Variants in ATG7 observed in about 807,000 individuals in gnomAD.
ATG7 encodes the protein ubiquitin-like modifier-activating enzyme ATG7.
In ATG7, 70 loss-of-function variants were observed where a neutral mutation model predicts 82.4. The ratio of observed to expected loss-of-function variants is 0.85; its 90% confidence interval spans 0.70 to 1.04. The LOEUF (loss-of-function observed/expected upper bound fraction) is 1.04. Ranked by LOEUF, ATG7 falls within the 50% of genes least tolerant of loss-of-function variation. ATG7 has a pLI of 0.00. For synonymous variants in ATG7, 287 were observed against 313.0 expected, an observed-to-expected ratio of 0.92 and a Z score of 0.88; for missense variants, 792 against 864.3, an observed-to-expected ratio of 0.92 and a Z score of 1.05.
intron 20 of ATG7, among the ~76,000 whole-genome samples, chr3:11,461,945 G>GT (rs1001587949): frequency 3.3e-5 from 5 of 151,886 alleles, no homozygotes; most frequent in African/African-American, 1.2e-4. Flanking sequence ...CAGGAGAATG[G>GT]TTATGAACCC....
At chr3:11,343,655 T>C (rs1954028816) in intron 13 of ATG7, among the ~76,000 whole-genome samples, 1 of 152,162 alleles carries the variant, frequency 6.6e-6, no homozygotes, top group African/African-American at 2.4e-5. Flanking sequence ...ATGTGGAAAT[T>C]TTTTGGTTAC....
intron 20 of ATG7, among the ~76,000 whole-genome samples, chr3:11,493,188 G>C (rs765542739): frequency 2.0e-5 from 3 of 148,798 alleles, no homozygotes; most frequent in Non-Finnish European, 2.9e-5. Flanking sequence ...AGCTGGAAAG[G>C]GGGTGGGAAG....
Position 11,422,769 on chromosome 3 carries a change from T to TTTTTTTTTTTTTTTTTG in ATG7, c.1957-4035_1957-4034insTTTTTTTTTTTTTTTTG, listed in dbSNP as rs1386943052. 4.9e-5 allele frequency among the ~76,000 whole-genome samples: 5 copies of TTTTTTTTTTTTTTTTTG among 102,628 alleles called. 1 individual carries two copies. Among genetic ancestry groups the TTTTTTTTTTTTTTTTTG allele is most frequent in the African/African-American group, 2.0e-4 (5 of 25,202 alleles). The allele number at this position is 102,628 out of a possible 152,430, so 67.3% of individuals were successfully genotyped here. ...TTTTTTTTTTTTTTTTTTTTTTTTTTGGAGACAGAGTCTCACTCCGTTGCC... is the reference window on the plus strand; with the variant it reads ...TTTTTTTTTTTTTTTTTTTTTTTTTTTTTTTTTTTTTTTTTTGGGAGACAGAGTCTCACTCCGTTGCC... On this transcript the variant is annotated intron_variant, in intron 19 of 20. Transcript: ENST00000693202.
At chr3:11,488,767 T>C (rs1294338327) in intron 20 of ATG7, among the ~76,000 whole-genome samples, 1 of 152,220 alleles carries the variant, frequency 6.6e-6, no homozygotes, top group Non-Finnish European at 1.5e-5. Flanking sequence ...TTGATCATGG[T>C]GGATAGGCTT....
rs1022421065 is a variant in ATG7, at chr3:11,556,266, C to G, written c.*1423C>G. The G allele has an allele frequency of 6.5e-6, 1 of 152,702 alleles. No individual in the cohort carries two copies. Among genetic ancestry groups the G allele is most frequent in the Non-Finnish European group, 1.5e-5 (1 of 68,068 alleles). 9.5% of individuals were successfully genotyped at this position (152,702 alleles called of 1,614,324 possible). A position where few individuals can be genotyped will look rare whatever the true frequency, so the allele number is the denominator to read the frequency against. Reference sequence around the variant, plus strand: ...TGGGAAGAACTTCACGGAGCCCCTTCTTAGAGCAGGGAGGGGGCTTTCTCA... The same window carrying G: ...TGGGAAGAACTTCACGGAGCCCCTTGTTAGAGCAGGGAGGGGGCTTTCTCA... On this transcript the variant is annotated 3_prime_UTR_variant, in exon 21 of 21. Transcript: ENST00000693202.
intron 20 of ATG7, among the ~76,000 whole-genome samples, chr3:11,467,423 C>G (rs1344969904): frequency 6.6e-6 from 1 of 152,198 alleles, no homozygotes; most frequent in Admixed American, 6.5e-5. Flanking sequence ...GTCGCCCAGG[C>G]TGCAGTGCAA....
intron 20 of ATG7, among the ~76,000 whole-genome samples, chr3:11,459,330 C>T (rs1201590264): frequency 3.3e-5 from 5 of 152,232 alleles, no homozygotes; most frequent in Non-Finnish European, 5.9e-5. Flanking sequence ...TGTATCATCT[C>T]AGACATATGT....
chr3:11,294,199 G>A (rs368279429), intron 3 of ATG7, among the ~76,000 whole-genome samples: 3 of 152,040 alleles, frequency 2.0e-5, no homozygotes, highest in African/African-American at 4.8e-5. Context: ...GTTTCTACAC[G>A]TGTGCCTCAA....
intron 20 of ATG7, among the ~76,000 whole-genome samples, chr3:11,476,005 T>G (rs1036701044): frequency 1.3e-5 from 2 of 152,100 alleles, no homozygotes; most frequent in Non-Finnish European, 2.9e-5. Flanking sequence ...CTGCTGTGAT[T>G]TTATTTCCCC....
the ATG7 span, among the ~76,000 whole-genome samples, chr3:11,563,475 C>G: frequency 6.6e-6 from 1 of 152,186 alleles, no homozygotes; most frequent in Non-Finnish European, 1.5e-5. Context: ...CAGCACAATC[C>G]TCTCTTCTCA....
intron 19 of ATG7, among the ~76,000 whole-genome samples, chr3:11,390,201 C>G (rs2078681574): frequency 6.6e-6 from 1 of 152,096 alleles, no homozygotes; most frequent in South Asian, 2.1e-4. Context: ...GGCCTATGTA[C>G]AATATTTTCG....
rs1183148448 is a variant in ATG7 at position 11,511,780 on chromosome 3, G to A, written c.2080-43031G>A. Among the ~76,000 whole-genome samples the A allele has an allele frequency of 6.6e-5, 10 of 152,312 alleles. No individual in the cohort carries two copies. The South Asian group carries it at 8.3e-4, about 13-fold the overall frequency. On this transcript the variant is annotated intron_variant, in intron 20 of 20. Coordinates refer to ENST00000693202, the MANE Select transcript of ATG7 (RefSeq NM_001349232.2). ...AAGGCCCAGCGAGAAATCGAGCACAGCACCGGTGGGCTGGTACTGCTGGGG... is the reference window on the plus strand; with the variant it reads ...AAGGCCCAGCGAGAAATCGAGCACAACACCGGTGGGCTGGTACTGCTGGGG...
At position 11,289,636 on chromosome 3, in the gene ATG7, C is replaced by T. The variant is rs138656703; in HGVS notation, c.-11+7198C>T. Among the ~76,000 whole-genome samples the T allele has an allele frequency of 4.8e-3, 731 of 152,306 alleles. 5 individuals carry two copies. Among genetic ancestry groups the T allele is most frequent in the African/African-American group, 0.017 (701 of 41,546 alleles). On this transcript the variant is annotated intron_variant, in intron 3 of 20. Coordinates refer to ENST00000693202, the MANE Select transcript of ATG7 (RefSeq NM_001349232.2). ...TTTGTGCAATCATGGATCACTGCAG[C>T]CTCAACCTCCTGGTGGGCTCGAGCT...
At chr3:11,568,829 G>T in the ATG7 span, 1 of 1,414,728 alleles carries the variant, frequency 7.1e-7, no homozygotes, top group Non-Finnish European at 9.2e-7. The surrounding 1 kb of genome is among the most constrained non-coding windows in gnomAD (Gnocchi z 5.9). Context: ...ACACCCAAAG[G>T]ACTCTGAGTG....
intron 19 of ATG7, among the ~76,000 whole-genome samples, chr3:11,393,716 G>A (rs980831447): frequency 4.6e-5 from 7 of 151,314 alleles, no homozygotes; most frequent in Non-Finnish European, 7.4e-5. Flanking sequence ...AGTCTCATTC[G>A]GTTGCCCAGG....
intron 20 of ATG7, among the ~76,000 whole-genome samples, chr3:11,440,890 G>A (rs1047984985): frequency 2.7e-5 from 4 of 150,820 alleles, no homozygotes; most frequent in African/African-American, 7.3e-5. Flanking sequence ...TGCCATGCTG[G>A]TTAGGCTGGT....
downstream of ATG7, chr3:11,558,867 G>A (rs765116186): frequency 2.5e-6 from 4 of 1,599,480 alleles, no homozygotes; most frequent in Non-Finnish European, 3.4e-6. Flanking sequence ...GACACAGGTG[G>A]CTGCAGACAG....
intron 20 of ATG7, among the ~76,000 whole-genome samples, chr3:11,478,989 A>AACACACACACACACACACAC (rs71628717): frequency 4.1e-5 from 3 of 73,130 alleles, no homozygotes; most frequent in Non-Finnish European, 7.3e-5. Flanking sequence ...GTATATTTAC[A>AACACACACACACACACACAC]ACACACACAC....
intron 20 of ATG7, among the ~76,000 whole-genome samples, chr3:11,438,481 G>A (rs746290579): frequency 1.3e-5 from 2 of 152,106 alleles, no homozygotes; most frequent in African/African-American, 2.4e-5. Context: ...TGGGAGGATC[G>A]CTTGAACCCG....
Sources: gnomAD v4.1 joint callset for allele counts (sites outside exome capture counted in the v4.1 genomes callset) on GRCh38, gnomAD v4.1.1 for gene constraint, Gnocchi (gnomAD v3.1) non-coding constraint, MANE v1.5 for transcripts, NCBI Gene and HGNC (gene_info 2026-07-23, HGNC 2026-07-21) for gene names.